LIMA1: variants seen among roughly 807,000 people sequenced by gnomAD.
LIMA1 encodes the protein LIM domain and actin-binding protein 1.
LIMA1 carries 52 observed loss-of-function variants against 62.6 expected under a neutral mutation model. The ratio of observed to expected loss-of-function variants is 0.83; its 90% CI spans 0.67 to 1.05. The LOEUF is 1.05. Among genes scored for constraint, LIMA1 ranks in the 50% least tolerant of loss-of-function variants. LIMA1 has a pLI of 0.00. For missense variants in LIMA1, 780 were observed against 902.2 expected (o/e 0.86, Z 1.74); for synonymous variants, 302 against 317.8 (o/e 0.95, Z 0.53).
intron 2 of LIMA1, among the ~76,000 whole-genome samples, chr12:50,247,627 T>TTATTATTATTATTAC (rs1941869413): frequency 6.7e-6 from 1 of 148,240 alleles, no homozygotes; most frequent in Non-Finnish European, 1.5e-5. Flanking sequence ...ATTATTATTA[T>TTATTATTATTATTAC]TATTATTATT....
intron 2 of LIMA1, among the ~76,000 whole-genome samples, chr12:50,232,445 C>G (rs908861085): frequency 1.1e-4 from 17 of 151,096 alleles, no homozygotes; most frequent in African/African-American, 3.9e-4. Context: ...TCTTGTCACA[C>G]TGCAACCTCC....
At chr12:50,283,183 T>TAA (rs1942360707) in intron 1 of LIMA1, among the ~76,000 whole-genome samples, 1 of 110,670 alleles carries the variant, frequency 9.0e-6, no homozygotes, top group African/African-American at 3.5e-5. Context: ...ACGGGGTATT[T>TAA]GCAGCTCCCG....
At chr12:50,189,605 CA>C (rs1366916482) in intron 9 of LIMA1, 2 of 152,176 alleles carry the variant, frequency 1.3e-5, no homozygotes, top group African/African-American at 4.8e-5. Flanking sequence ...AGTCAGCTAA[CA>C]AACCTAAAAT....
intron 7 of LIMA1, among the ~76,000 whole-genome samples, chr12:50,198,445 T>C (rs1198371324): frequency 6.6e-6 from 1 of 152,108 alleles, no homozygotes; most frequent in African/African-American, 2.4e-5. Flanking sequence ...TCCCAGCCAC[T>C]TGGGAGGCTG....
intron 3 of LIMA1, among the ~76,000 whole-genome samples, chr12:50,224,896 ATTTTTTTTTTTT>A (rs773474227): frequency 9.5e-6 from 1 of 104,846 alleles, no homozygotes; most frequent in East Asian, 2.6e-4. Context: ...CATGCCTGGC[ATTTTTTTTTTTT>A]TTTTTTTTTT....
At chr12:50,258,441 C>T (rs1427989298) in intron 1 of LIMA1, among the ~76,000 whole-genome samples, 3 of 151,840 alleles carry the variant, frequency 2.0e-5, no homozygotes, top group African/African-American at 7.3e-5. Context: ...GGACTAGACA[C>T]ATGCCACCGC....
At chr12:50,267,221 C>T (rs1942149695) in intron 1 of LIMA1, among the ~76,000 whole-genome samples, 1 of 152,076 alleles carries the variant, frequency 6.6e-6, no homozygotes, top group Admixed American at 6.6e-5. Context: ...AGGCATCCCC[C>T]ACAATGTCCG....
intron 1 of LIMA1, among the ~76,000 whole-genome samples, chr12:50,254,266 AG>A (rs1157363232): frequency 6.6e-6 from 1 of 152,220 alleles, no homozygotes; most frequent in Non-Finnish European, 1.5e-5. Flanking sequence ...AGAGACTAGA[AG>A]GATCGTTGCA....
At chr12:50,251,632 A>G (rs1941932195) in intron 1 of LIMA1, among the ~76,000 whole-genome samples, 1 of 152,012 alleles carries the variant, frequency 6.6e-6, no homozygotes, top group East Asian at 1.9e-4. Flanking sequence ...CTCAAAAAAA[A>G]AAAAAAAAAA....
intron 1 of LIMA1, among the ~76,000 whole-genome samples, chr12:50,256,837 A>G (rs1942003304): frequency 6.6e-6 from 1 of 152,200 alleles, no homozygotes; most frequent in Admixed American, 6.5e-5. Flanking sequence ...AAAAAACATG[A>G]TATTTTCTCA....
intron 8 of LIMA1, among the ~76,000 whole-genome samples, chr12:50,193,533 TG>T (rs1940834960): frequency 3.8e-5 from 5 of 131,048 alleles, no homozygotes; most frequent in African/African-American, 8.7e-5. Flanking sequence ...TACACATATA[TG>T]ATATATATAT....
At chr12:50,197,153 C>A (rs1027680196) in intron 7 of LIMA1, among the ~76,000 whole-genome samples, 1 of 151,396 alleles carries the variant, frequency 6.6e-6, no homozygotes, top group Admixed American at 6.6e-5. Flanking sequence ...TCACTGCAAC[C>A]TCTGCCTCCT....
intron 10 of LIMA1, among the ~76,000 whole-genome samples, chr12:50,178,966 A>ATTTTTTTTTTTTTTT (rs1555203081): frequency 7.8e-6 from 1 of 128,926 alleles, no homozygotes; most frequent in Non-Finnish European, 1.8e-5. Context: ...ATATATATAT[A>ATTTTTTTTTTTTTTT]TTTTTTTTTT....
At position 50,204,701 on chromosome 12, in the gene LIMA1, C is replaced by A. The variant is rs368504204; in HGVS notation, c.716-1G>T. ...TCAAATGTAGAAGATGACAACTGAC[C>A]TGGAAGCATCCAAATAACATGTTTT... On this transcript the variant is annotated splice_acceptor_variant, in intron 5 of 10. Transcript: ENST00000341247. LOFTEE classifies it high-confidence loss of function. 5 of 1,613,760 alleles carry A rather than the reference C, an allele frequency of 3.1e-6. No individual in the cohort carries two copies. The African/African-American group carries it at 5.3e-5, about 17-fold the overall frequency.
intron 9 of LIMA1, chr12:50,188,436 T>C (rs1940680219): frequency 6.6e-6 from 1 of 152,110 alleles, no homozygotes; most frequent in African/African-American, 2.4e-5. Context: ...TAAATAACAG[T>C]GGAGATGTAA....
In LIMA1 at chr12:50,217,814, A is replaced by G. The variant is rs1455774332; in HGVS notation, c.630+4207T>C. 4.4e-5 allele frequency: 13 copies of G among 294,284 alleles called. No homozygotes were observed. In the Admixed American group the frequency reaches 4.5e-4, roughly 10 times the overall value. 18.2% of individuals were successfully genotyped at this position (294,284 alleles called of 1,614,324 possible). ...ATGTAGCTTCACATCCAGCCTGGGAAGTACACAGGCATCTAGGACGCTCAC... is the reference window on the plus strand; with the variant it reads ...ATGTAGCTTCACATCCAGCCTGGGAGGTACACAGGCATCTAGGACGCTCAC... On this transcript the variant is annotated intron_variant, in intron 4 of 10. Transcript: ENST00000341247.
intron 2 of LIMA1, among the ~76,000 whole-genome samples, chr12:50,236,079 C>T (rs1383066726): frequency 6.6e-6 from 1 of 151,706 alleles, no homozygotes. Flanking sequence ...GCACGAGAAT[C>T]GCCTGAACCC....
intron 3 of LIMA1, among the ~76,000 whole-genome samples, chr12:50,229,023 A>C (rs527911422): frequency 1.2e-4 from 18 of 152,286 alleles, no homozygotes; most frequent in Admixed American, 4.6e-4. Context: ...TGGCAGAGCC[A>C]CTGCTGCCAT....
In LIMA1 at chr12:50,181,899, C is replaced by G. The variant is rs1940510972; in HGVS notation, c.1274+5G>C. ...AGACAGATGGCTTGTTTTGGGCTGA[C>G]TTACCTGAGTTTGTTGTTGCAATAG... On this transcript the variant is annotated splice_donor_5th_base_variant and intron_variant, in intron 10 of 10. Transcript: ENST00000341247. 6.2e-7 allele frequency: 1 copy of G among 1,614,000 alleles called. No individual in the cohort carries two copies. The highest frequency in any genetic ancestry group is 8.5e-7 in the Non-Finnish European group (1 of 1,180,020).
Sources: gnomAD v4.1 joint callset for allele counts (sites outside exome capture counted in the v4.1 genomes callset) on GRCh38, gnomAD v4.1.1 for gene constraint, MANE v1.5 for transcripts, NCBI Gene and HGNC (gene_info 2026-07-23, HGNC 2026-07-21) for gene names.